PARG: variants seen among roughly 807,000 people sequenced by gnomAD.
The protein encoded by PARG is mitochondrial poly(ADP-ribose) glycohydrolase.
In PARG, 35 loss-of-function variants were observed where a neutral mutation model predicts 113.0. That is an observed-to-expected ratio of 0.31 (90% CI 0.24 to 0.41). PARG has a LOEUF of 0.41. PARG is among the 10% of genes least tolerant of loss of function. The pLI is 1.00. For missense variants in PARG, 797 were observed against 1,169.4 expected, an observed-to-expected ratio of 0.68 and a Z score of 4.64; for synonymous variants, 330 against 409.9, an observed-to-expected ratio of 0.81 and a Z score of 2.36.
chr10:49,827,629 T>C (rs555586439), intron 16 of PARG, among the ~76,000 whole-genome samples: 63 of 152,180 alleles, frequency 4.1e-4, no homozygotes, highest in Non-Finnish European at 8.8e-4. Flanking sequence ...GAAGAACTTG[T>C]AAGTAAACAG....
At chr10:49,835,108 T>C (rs1554830862) in intron 15 of PARG, among the ~76,000 whole-genome samples, 1 of 152,108 alleles carries the variant, frequency 6.6e-6, no homozygotes, top group Non-Finnish European at 1.5e-5. Context: ...TTTCCTTTTA[T>C]GAGTAGGAAT....
At chr10:49,921,663 T>A (rs1438210880) in intron 6 of PARG, among the ~76,000 whole-genome samples, 1 of 152,024 alleles carries the variant, frequency 6.6e-6, no homozygotes, top group Admixed American at 6.6e-5. Flanking sequence ...AAACTCATTT[T>A]CATAGAAGTA....
intron 7 of PARG, among the ~76,000 whole-genome samples, chr10:49,910,978 G>A (rs1259190756): frequency 6.6e-5 from 10 of 152,214 alleles, no homozygotes; most frequent in Admixed American, 3.9e-4. Flanking sequence ...CAGTGCCACA[G>A]GTGTTGTAAA....
intron 15 of PARG, among the ~76,000 whole-genome samples, chr10:49,839,214 C>G (rs1437263007): frequency 6.6e-6 from 1 of 151,870 alleles, no homozygotes; most frequent in African/African-American, 2.4e-5. Flanking sequence ...GTGCATGCCT[C>G]TGGTCCCAGC....
At chr10:49,856,368 C>T (rs1444111711) in intron 13 of PARG, among the ~76,000 whole-genome samples, 9 of 151,188 alleles carry the variant, frequency 6.0e-5, no homozygotes, top group African/African-American at 2.2e-4. Flanking sequence ...TTAGTAGAGA[C>T]GGGGTTTCAT....
At position 49,932,158 on chromosome 10, in the gene PARG, C is replaced by T. The variant is rs1443819713; in HGVS notation, c.1397G>A (p.Arg466Gln). The T allele has an allele frequency of 1.1e-5, 17 of 1,603,732 alleles. No homozygotes were observed. Among genetic ancestry groups the T allele is most frequent in the East Asian group, 6.7e-5 (3 of 44,808 alleles). Reference sequence around the variant, plus strand: ...CAAGAGAGGCAGCCGGATCCCACACCGAGGCATTCTTCTCATCTCCTCAAT... The same window carrying T: ...CAAGAGAGGCAGCCGGATCCCACACTGAGGCATTCTTCTCATCTCCTCAAT... ...TPIEEMRRMP[R>Q]CGIRLPLLRP... is the part of the protein sequence containing the mutation. Residue 466 changes from arginine (R) to glutamine (Q), a missense_variant, in exon 4 of 18, where the codon CGG becomes CAG. Transcript: ENST00000616448.
intron 13 of PARG, among the ~76,000 whole-genome samples, chr10:49,847,373 C>T (rs1211680230): frequency 5.3e-5 from 8 of 151,296 alleles, no homozygotes; most frequent in African/African-American, 1.7e-4. Flanking sequence ...CAAGTCATTA[C>T]ACTGGTGTCA....
At chr10:49,842,213 A>G (rs1454214133) in intron 14 of PARG, among the ~76,000 whole-genome samples, 155 bp from the exon 15 acceptor site, 2 of 152,146 alleles carry the variant, frequency 1.3e-5, no homozygotes, top group Admixed American at 1.3e-4. Context: ...GAAAGGAAAC[A>G]CCCTTTATTT....
chr10:49,928,508 C>G (rs1838330257), intron 4 of PARG, among the ~76,000 whole-genome samples: 1 of 152,114 alleles, frequency 6.6e-6, no homozygotes. Flanking sequence ...CCACTAAGTG[C>G]AATTTCAGAT....
chr10:49,922,575 T>G lies in PARG; in HGVS notation c.1550A>C (p.Glu517Ala). The change falls in exon 5 of 18, where the codon GAA (glutamate) becomes GCA (alanine). Residue 517 changes from glutamate to alanine, a missense_variant. Coordinates refer to ENST00000616448, the MANE Select transcript of PARG (RefSeq NM_003631.5). ...ATCTTCCACTGGGTACAAATTTTGT[T>G]CTGAACAAGGCATTTTAACATGCTT... Reference protein sequence around the residue: ...DNKHVKMPCSEQNLYPVEDEN... With the variant: ...DNKHVKMPCSAQNLYPVEDEN... 1 of 1,611,020 alleles carries G rather than the reference T, an allele frequency of 6.2e-7. No individual in the cohort carries two copies. The highest frequency in any genetic ancestry group is 8.5e-7 in the Non-Finnish European group (1 of 1,179,508).
intron 13 of PARG, among the ~76,000 whole-genome samples, chr10:49,856,477 G>A (rs1845994961): frequency 1.3e-5 from 2 of 152,216 alleles, no homozygotes; most frequent in South Asian, 4.1e-4. Flanking sequence ...ATCGCGCCTG[G>A]CCATGATAAC....
At chr10:49,829,049 A>G (rs997947879) in intron 16 of PARG, among the ~76,000 whole-genome samples, 2 of 152,172 alleles carry the variant, frequency 1.3e-5, no homozygotes, top group African/African-American at 2.4e-5. Flanking sequence ...AGCTTGGCCA[A>G]CATGGTGAGA....
rs1192690807 is a variant in PARG at position 49,916,260 on chromosome 10, G to A, written c.1663-269C>T. Among the ~76,000 whole-genome samples the A allele has an allele frequency of 2.6e-5, 4 of 151,962 alleles. 1 individual carries two copies. The highest frequency in any genetic ancestry group is 1.9e-4 in the East Asian group (1 of 5,186). ...CCCTAAAGCATGCATTCTAAATAAG[G>A]TGATATACTCCAAATAGACAAAAAC... is the stretch of plus-strand genomic sequence containing the variant. On this transcript the variant is annotated intron_variant, in intron 6 of 17. Transcript: ENST00000616448.
intron 6 of PARG, among the ~76,000 whole-genome samples, chr10:49,916,325 T>C (rs2132849163): frequency 6.6e-6 from 1 of 152,218 alleles, no homozygotes; most frequent in Admixed American, 6.5e-5. Flanking sequence ...GTTATCACAA[T>C]TGTTGGTGGT....
At chr10:49,823,654 AATC>A (rs1179312118) in intron 16 of PARG, among the ~76,000 whole-genome samples, 5 of 152,324 alleles carry the variant, frequency 3.3e-5, no homozygotes, top group Admixed American at 1.3e-4. Flanking sequence ...GGAACGAATG[AATC>A]ATCATCTTTC....
At chr10:49,937,094 A>AT (rs1838785346) in intron 1 of PARG, among the ~76,000 whole-genome samples, 1 of 152,248 alleles carries the variant, frequency 6.6e-6, no homozygotes, top group African/African-American at 2.4e-5. Flanking sequence ...GAGTAAGAGG[A>AT]TAAACCATTT....
chr10:49,856,476 G>A (rs1210900144), intron 13 of PARG, among the ~76,000 whole-genome samples: 121 of 152,194 alleles, frequency 8.0e-4, no homozygotes, highest in African/African-American at 2.8e-3. Flanking sequence ...TATCGCGCCT[G>A]GCCATGATAA....
intron 15 of PARG, among the ~76,000 whole-genome samples, chr10:49,836,793 C>A (rs1429497181): frequency 3.3e-5 from 5 of 152,016 alleles, no homozygotes; most frequent in African/African-American, 1.2e-4. Context: ...TGAATAATAA[C>A]AAAAACATCA....
intron 7 of PARG, among the ~76,000 whole-genome samples, chr10:49,892,490 A>G (rs1847857677): frequency 6.6e-6 from 1 of 152,134 alleles, no homozygotes; most frequent in Admixed American, 6.5e-5. Context: ...TTTCTGTATT[A>G]TACAATGACA....
Sources: gnomAD v4.1 joint callset for allele counts (sites outside exome capture counted in the v4.1 genomes callset) on GRCh38, gnomAD v4.1.1 for gene constraint, MANE v1.5 for transcripts, NCBI Gene and HGNC (gene_info 2026-07-23, HGNC 2026-07-21) for gene names.